Variants in LRPAP1 observed in about 807,000 individuals in gnomAD.
LRPAP1 encodes alpha-2-macroglobulin receptor-associated protein.
LRPAP1 carries 41 observed loss-of-function variants against 39.9 expected under a neutral mutation model. The ratio of observed to expected loss-of-function variants is 1.03; its 90% confidence interval spans 0.80 to 1.33. The LOEUF (loss-of-function observed/expected upper bound fraction) is 1.33. Among genes scored for constraint, LRPAP1 ranks in the 40% most tolerant of loss-of-function variants. LRPAP1 has a pLI of 0.00. For synonymous variants in LRPAP1, 263 were observed against 212.7 expected (o/e 1.24, Z -2.06); for missense variants, 565 against 482.3 (o/e 1.17, Z -1.61).
rs757962242 is a variant in LRPAP1, at chr4:3,520,141, G to C, written c.402C>G (p.Thr134=). 5 of 1,614,176 alleles carry C rather than the reference G, an allele frequency of 3.1e-6. No homozygotes were observed. The South Asian group carries it at 5.5e-5, about 18-fold the overall frequency. Reference sequence around the variant, plus strand: ...CCTGGGTGCCACTGAGGGAGTTGCTGGTCACCTGCCGAGCGTCCTTCTTTC... The same window carrying C: ...CCTGGGTGCCACTGAGGGAGTTGCTCGTCACCTGCCGAGCGTCCTTCTTTC... ...LDGKKDARQV[T]SNSLSGTQED... Residue 134 remains threonine (T), a synonymous_variant, in exon 3 of 8, where the codon ACC becomes ACG. Transcript: ENST00000650182.
intron 2 of LRPAP1, among the ~76,000 whole-genome samples, chr4:3,523,646 G>A (rs550496967): frequency 4.6e-5 from 7 of 152,286 alleles, no homozygotes; most frequent in Admixed American, 3.3e-4. Context: ...GGACGACAAC[G>A]AGTTTTGAGG....
rs111779833 is a variant in LRPAP1, at chr4:3,516,011, T to TGAGA, written c.834+101_834+104dup. 7.0e-5 allele frequency: 79 copies of TGAGA among 1,126,728 alleles called. 1 individual carries two copies. In the African/African-American group the frequency reaches 1.0e-3, roughly 14 times the overall value. The allele number at this position is 1,126,728 out of a possible 1,614,324, so 69.8% of individuals were successfully genotyped here. On this transcript the variant is annotated intron_variant, in intron 6 of 7. Transcript: ENST00000650182. ...GTTAAGGAAGAAACTGCGAGAATCT[T>TGAGA]GAGAGAGAGAGCTTGGAGGAGAGGG... is the stretch of plus-strand genomic sequence containing the variant.
At position 3,507,054 on chromosome 4, in the gene LRPAP1, A is replaced by T. The variant is rs908180102; in HGVS notation, c.*5920T>A. On this transcript the variant is annotated 3_prime_UTR_variant, in exon 8 of 8. Coordinates refer to ENST00000650182, the MANE Select transcript of LRPAP1 (RefSeq NM_002337.4). ...CAACACAGCGAGACCCAGTCTCTAT[A>T]AAAAAAACCTTTTCTTTAAATTAGC... 5 of 148,606 alleles carry T rather than the reference A, an allele frequency of 3.4e-5. No individual in the cohort carries two copies. Among genetic ancestry groups the T allele is most frequent in the East Asian group, 1.9e-4 (1 of 5,170 alleles). 9.2% of individuals were successfully genotyped at this position (148,606 alleles called of 1,614,324 possible).
chr4:3,518,742 C>A, intron 4 of LRPAP1, 129 bp downstream of exon 4: 1 of 634,542 alleles, frequency 1.6e-6, no homozygotes. Context: ...GGTGCCGCCT[C>A]CCTGCCCCTG....
intron 1 of LRPAP1, among the ~76,000 whole-genome samples, chr4:3,528,799 G>A (rs563587728): frequency 1.3e-5 from 2 of 152,276 alleles, no homozygotes; most frequent in East Asian, 1.9e-4. Flanking sequence ...AGCCGTACCC[G>A]CCTTGAGCTG....
intron 1 of LRPAP1, chr4:3,525,294 C>T (rs1730047539): frequency 1.9e-6 from 1 of 531,484 alleles, no homozygotes; most frequent in Non-Finnish European, 3.4e-6. Flanking sequence ...GGGCTCCCCA[C>T]CAGCAGCGGC....
chr4:3,518,755 G>C (rs541800711), intron 4 of LRPAP1, 116 bp downstream of exon 4: 5 of 685,796 alleles, frequency 7.3e-6, no homozygotes, highest in African/African-American at 3.7e-5. Context: ...TGCCCCTGCT[G>C]TGTTCCTGAG....
intron 2 of LRPAP1, among the ~76,000 whole-genome samples, chr4:3,522,727 C>T (rs1394463771): frequency 1.3e-5 from 2 of 148,664 alleles, no homozygotes; most frequent in African/African-American, 2.5e-5. Flanking sequence ...CTGGGGAGGA[C>T]GGACGCCGCC....
intron 2 of LRPAP1, among the ~76,000 whole-genome samples, chr4:3,524,344 A>G (rs1730012536): frequency 6.6e-6 from 1 of 152,248 alleles, no homozygotes; most frequent in Non-Finnish European, 1.5e-5. Context: ...TAAGCGCATG[A>G]CAACCAAGTG....
At position 3,532,363 on chromosome 4, in the gene LRPAP1, A is replaced by C. The variant is rs1342446237; in HGVS notation, c.50T>G (p.Leu17Arg). The change falls in exon 1 of 8, where the codon CTA becomes CGA. Residue 17 changes from leucine to arginine, a missense_variant. Transcript: ENST00000650182. ...GGGCCCGAGGAAGAGCAGCAGCAGTAGCAGCGCCGGGAGCCCGCGCAGAAA... is the reference window on the plus strand; with the variant it reads ...GGGCCCGAGGAAGAGCAGCAGCAGTCGCAGCGCCGGGAGCCCGCGCAGAAA... ...RSFLRGLPAL[L>R]LLLLFLGPWP... The C allele has an allele frequency of 3.8e-6, 6 of 1,594,432 alleles. No individual in the cohort carries two copies. Among genetic ancestry groups the C allele is most frequent in the Non-Finnish European group, 5.1e-6 (6 of 1,170,940 alleles).
intron 2 of LRPAP1, among the ~76,000 whole-genome samples, chr4:3,522,588 A>G (rs74468572): frequency 0.013 from 227 of 17,914 alleles, 60 homozygotes; most frequent in East Asian, 0.048. Flanking sequence ...TGCCTGGGGA[A>G]GTCGGACGCC....
chr4:3,520,448 T>C (rs903174570), intron 2 of LRPAP1, among the ~76,000 whole-genome samples: 3 of 152,206 alleles, frequency 2.0e-5, no homozygotes, highest in Non-Finnish European at 4.4e-5. Context: ...CCCTCTTTCC[T>C]ACCAGGGACA....
At chr4:3,532,074 C>A (rs2108700862) in intron 1 of LRPAP1, 135 bp downstream of exon 1, 2 of 1,008,020 alleles carry the variant, frequency 2.0e-6, no homozygotes, top group East Asian at 5.4e-5. Context: ...GAGGCTGTGC[C>A]AAGGACAGGG....
chr4:3,504,690 C>T lies in LRPAP1; in HGVS notation c.*8284G>A, dbSNP rs1198968558. On this transcript the variant is annotated 3_prime_UTR_variant, in exon 8 of 8. Coordinates refer to ENST00000650182, the MANE Select transcript of LRPAP1 (RefSeq NM_002337.4). Reference sequence around the variant, plus strand: ...TCTTGAACCCAGGAGGTGGAGGTTGCAGTGAGCCAAGATTGCGCCATTGCA... The same window carrying T: ...TCTTGAACCCAGGAGGTGGAGGTTGTAGTGAGCCAAGATTGCGCCATTGCA... Among the ~76,000 whole-genome samples the T allele has an allele frequency of 7.1e-6, 1 of 141,204 alleles. No homozygotes were observed. The highest frequency in any genetic ancestry group is 7.7e-5 in the Admixed American group (1 of 13,054). The allele number at this position is 141,204 out of a possible 152,430, so 92.6% of individuals were successfully genotyped here. A position where few individuals can be genotyped will look rare whatever the true frequency, so the allele number is the denominator to read the frequency against.
chr4:3,505,367 G>A lies in LRPAP1; in HGVS notation c.*7607C>T, dbSNP rs1027140055. Among the ~76,000 whole-genome samples the A allele has an allele frequency of 1.3e-5, 2 of 152,214 alleles. No individual in the cohort carries two copies. Among genetic ancestry groups the A allele is most frequent in the African/African-American group, 4.8e-5 (2 of 41,462 alleles). On this transcript the variant is annotated 3_prime_UTR_variant, in exon 8 of 8. Transcript: ENST00000650182. ...CATCCCTCCCCGGTGCCTAGCCCTC[G>A]CCAGGCTGCTGGCCCCATCGCTGGG...
intron 6 of LRPAP1, 89 bp downstream of exon 6, chr4:3,516,027 G>C: frequency 8.1e-7 from 1 of 1,239,246 alleles, no homozygotes; most frequent in Non-Finnish European, 1.1e-6. Context: ...AGAGAGCTTG[G>C]AGGAGAGGGC....
intron 1 of LRPAP1, among the ~76,000 whole-genome samples, chr4:3,531,777 G>A (rs1730261980): frequency 6.6e-6 from 1 of 152,220 alleles, no homozygotes; most frequent in African/African-American, 2.4e-5. Flanking sequence ...GCTTGCTACT[G>A]GGATTCCTTC....
At chr4:3,517,029 C>T (rs906593899) in intron 5 of LRPAP1, among the ~76,000 whole-genome samples, 10 of 151,870 alleles carry the variant, frequency 6.6e-5, no homozygotes, top group Non-Finnish European at 1.3e-4. Flanking sequence ...CAGGCTCATC[C>T]GGGTCTCTCC....
chr4:3,519,987 G>A, intron 3 of LRPAP1, 85 bp downstream of exon 3: 4 of 1,535,132 alleles, frequency 2.6e-6, no homozygotes, highest in Non-Finnish European at 3.6e-6. Flanking sequence ...CCCATGCAGA[G>A]CAGAGACTGC....
Sources: allele counts gnomAD v4.1 joint callset (sites outside exome capture counted in the v4.1 genomes callset), GRCh38; gene constraint gnomAD v4.1.1; transcripts MANE v1.5; gene names NCBI Gene and HGNC (gene_info 2026-07-23, HGNC 2026-07-21).